Variants in CAMKMT observed in about 807,000 individuals in gnomAD.
CAMKMT encodes calmodulin-lysine N-methyltransferase.
Under a neutral mutation model 48.0 loss-of-function variants are expected in CAMKMT, and 53 were observed. The ratio of observed to expected loss-of-function variants is 1.10; its 90% CI spans 0.89 to 1.39. The LOEUF (loss-of-function observed/expected upper bound fraction) is 1.39, where lower values mean the gene tolerates loss of function less well. CAMKMT is among the 40% of genes most tolerant of loss of function. The pLI, the probability that CAMKMT is intolerant of heterozygous loss-of-function variation, is 0.00. For synonymous variants in CAMKMT, 165 were observed against 152.3 expected (o/e 1.08, Z -0.61); for missense variants, 428 against 402.7 (o/e 1.06, Z -0.54).
intron 2 of CAMKMT, among the ~76,000 whole-genome samples, chr2:44,377,148 A>C (rs538830569): frequency 1.3e-5 from 2 of 152,202 alleles, no homozygotes; most frequent in East Asian, 3.9e-4. Context: ...CTAGGACTAC[A>C]GTTACATGCC....
At chr2:44,554,328 G>T (rs1032623317) in intron 3 of CAMKMT, among the ~76,000 whole-genome samples, 1 of 152,344 alleles carries the variant, frequency 6.6e-6, no homozygotes, top group Admixed American at 6.5e-5. Flanking sequence ...TAGTAACCCA[G>T]ATTGCCTAGG....
intron 3 of CAMKMT, among the ~76,000 whole-genome samples, chr2:44,438,555 T>C (rs1231085549): frequency 6.6e-6 from 1 of 152,238 alleles, no homozygotes; most frequent in African/African-American, 2.4e-5. Flanking sequence ...TAGGAAACAC[T>C]AGTCTGTGAC....
At chr2:44,601,549 AT>A (rs1429067894) in intron 3 of CAMKMT, among the ~76,000 whole-genome samples, 1 of 152,012 alleles carries the variant, frequency 6.6e-6, no homozygotes, top group Non-Finnish European at 1.5e-5. Context: ...CGCTAGTATA[AT>A]TTATTTTCTT....
chr2:44,651,923 T>C (rs1251626360), intron 3 of CAMKMT, among the ~76,000 whole-genome samples: 1 of 152,242 alleles, frequency 6.6e-6, no homozygotes, highest in Non-Finnish European at 1.5e-5. Flanking sequence ...CCAGATGTTT[T>C]TCTGTCATAG....
rs2104628456 is a variant in CAMKMT, at chr2:44,464,224, A to G, written c.376+73919A>G. Among the ~76,000 whole-genome samples, 3 of 152,332 alleles carry G rather than the reference A, an allele frequency of 2.0e-5. No homozygotes were observed. The East Asian group carries it at 5.8e-4, about 29-fold the overall frequency. On this transcript the variant is annotated intron_variant, in intron 3 of 10. Transcript: ENST00000378494. Reference sequence around the variant, plus strand: ...AAATTCACTGTGGAAGACCAACAAGAGACTTGATCAAACAGGAAAGAATCA... The same window carrying G: ...AAATTCACTGTGGAAGACCAACAAGGGACTTGATCAAACAGGAAAGAATCA...
chr2:44,588,606 G>A (rs1439505792), intron 3 of CAMKMT, among the ~76,000 whole-genome samples: 1 of 35,304 alleles, frequency 2.8e-5, no homozygotes, highest in Non-Finnish European at 6.1e-5. Context: ...GAGGTGGGGG[G>A]TCAGCCCCCC....
In CAMKMT at chr2:44,760,557, G is replaced by A. The variant is rs180983918; in HGVS notation, c.763-5873G>A. Among the ~76,000 whole-genome samples, 31 of 150,370 alleles carry A rather than the reference G, an allele frequency of 2.1e-4. No homozygotes were observed. In the East Asian group the frequency reaches 5.9e-3, roughly 29 times the overall value. On this transcript the variant is annotated intron_variant, in intron 9 of 10. Transcript: ENST00000378494. Reference sequence around the variant, plus strand: ...ACCCGGGAGGTGGAGCTTGCAGTGAGCGGAGATTGCACCACTGCACTCCAG... The same window carrying A: ...ACCCGGGAGGTGGAGCTTGCAGTGAACGGAGATTGCACCACTGCACTCCAG...
At chr2:44,438,049 A>T (rs1232462199) in intron 3 of CAMKMT, among the ~76,000 whole-genome samples, 1 of 152,076 alleles carries the variant, frequency 6.6e-6, no homozygotes, top group Non-Finnish European at 1.5e-5. Context: ...ATTAGTTTAC[A>T]TTATCTTGGC....
chr2:44,478,090 G>A (rs1210902773), intron 3 of CAMKMT, among the ~76,000 whole-genome samples: 1 of 152,128 alleles, frequency 6.6e-6, no homozygotes, highest in Non-Finnish European at 1.5e-5. Context: ...AGGAATCTGT[G>A]ATTTTGTGAC....
intron 3 of CAMKMT, among the ~76,000 whole-genome samples, chr2:44,409,875 C>G (rs72806807): frequency 2.0e-5 from 3 of 152,196 alleles, no homozygotes; most frequent in Non-Finnish European, 2.9e-5. Flanking sequence ...ATTTACCATG[C>G]TAGACAATCT....
At chr2:44,613,972 A>T (rs72882986) in intron 3 of CAMKMT, among the ~76,000 whole-genome samples, 5,443 of 152,298 alleles carry the variant, frequency 0.036, 272 homozygotes, top group African/African-American at 0.11. Context: ...GGCAGAAATC[A>T]TAAGCATAAC....
intron 2 of CAMKMT, among the ~76,000 whole-genome samples, chr2:44,375,187 G>A (rs995480243): frequency 2.7e-5 from 4 of 150,070 alleles, no homozygotes; most frequent in East Asian, 3.9e-4. Flanking sequence ...TTTTTGTTTT[G>A]TTTTTTAATA....
chr2:44,437,682 C>G (rs1666352243), intron 3 of CAMKMT, among the ~76,000 whole-genome samples: 1 of 151,978 alleles, frequency 6.6e-6, no homozygotes, highest in African/African-American at 2.4e-5. Context: ...ACCCCCGTCT[C>G]TACAATAATT....
intron 3 of CAMKMT, among the ~76,000 whole-genome samples, chr2:44,633,386 G>A (rs146415806): frequency 6.6e-6 from 1 of 152,144 alleles, no homozygotes; most frequent in East Asian, 1.9e-4. Context: ...CCATTCCTGT[G>A]GGGCATCAAT....
chr2:44,494,680 A>G (rs1022520184), intron 3 of CAMKMT, among the ~76,000 whole-genome samples: 2 of 152,238 alleles, frequency 1.3e-5, no homozygotes, highest in African/African-American at 2.4e-5. Flanking sequence ...GATTCTTTTA[A>G]AGAACACAGG....
chr2:44,482,045 T>A (rs1013514718), intron 3 of CAMKMT, among the ~76,000 whole-genome samples: 7 of 152,082 alleles, frequency 4.6e-5, no homozygotes, highest in East Asian at 1.9e-4. Flanking sequence ...TCACAGAAAC[T>A]GTTGACATGT....
chr2:44,366,981 TC>T (rs1294956862), intron 1 of CAMKMT, among the ~76,000 whole-genome samples: 1 of 152,082 alleles, frequency 6.6e-6, no homozygotes, highest in East Asian at 1.9e-4. Flanking sequence ...CACCTCAGCC[TC>T]CCAAAGTGCT....
intron 3 of CAMKMT, among the ~76,000 whole-genome samples, chr2:44,631,158 AAC>A (rs1672796586): frequency 6.6e-6 from 1 of 152,186 alleles, no homozygotes; most frequent in Non-Finnish European, 1.5e-5. Flanking sequence ...CAAAAAACCA[AAC>A]ACCATATATT....
At chr2:44,689,982 C>T (rs896864948) in intron 3 of CAMKMT, among the ~76,000 whole-genome samples, 3 of 152,186 alleles carry the variant, frequency 2.0e-5, no homozygotes, top group Non-Finnish European at 4.4e-5. Context: ...ACTAAATAAG[C>T]ATTCACATCT....
Sources: allele counts gnomAD v4.1 joint callset (sites outside exome capture counted in the v4.1 genomes callset), GRCh38; gene constraint gnomAD v4.1.1; transcripts MANE v1.5; gene names NCBI Gene and HGNC (gene_info 2026-07-23, HGNC 2026-07-21).